The following EHMT1 variants were observed in gnomAD, a reference collection of about 807,000 sequenced individuals.
EHMT1 encodes euchromatic histone lysine methyltransferase 1, also known as histone-lysine N-methyltransferase EHMT1.
EHMT1 carries 15 observed loss-of-function variants against 147.2 expected under a neutral mutation model. That is an observed-to-expected ratio of 0.10 (90% CI 0.07 to 0.16). EHMT1 has a LOEUF of 0.16. EHMT1 is among the 10% of genes least tolerant of loss of function. EHMT1 has a pLI of 1.00. For synonymous variants in EHMT1, 795 were observed against 709.6 expected, an observed-to-expected ratio of 1.12 and a Z score of -1.91; for missense variants, 1,587 against 1,772.4, an observed-to-expected ratio of 0.90 and a Z score of 1.88.
intron 1 of EHMT1, among the ~76,000 whole-genome samples, chr9:137,709,902 A>G (rs1944549836): frequency 1.3e-5 from 2 of 152,040 alleles, no homozygotes; most frequent in African/African-American, 2.4e-5. Flanking sequence ...TTTCTCCAGT[A>G]TCACATCACC....
intron 1 of EHMT1, among the ~76,000 whole-genome samples, chr9:137,657,654 A>G (rs1423976729): frequency 6.6e-6 from 1 of 152,006 alleles, no homozygotes; most frequent in African/African-American, 2.4e-5. Flanking sequence ...TCAAGCGTTG[A>G]TCCTGTTTTA....
intron 6 of EHMT1, among the ~76,000 whole-genome samples, chr9:137,750,487 A>G (rs1948879967): frequency 6.6e-6 from 1 of 152,236 alleles, no homozygotes; most frequent in Non-Finnish European, 1.5e-5. Flanking sequence ...CAAAAAAAAG[A>G]GTGTTCCTTG....
At chr9:137,622,603 A>G (rs1843001187) in intron 1 of EHMT1, among the ~76,000 whole-genome samples, 1 of 152,134 alleles carries the variant, frequency 6.6e-6, no homozygotes. Flanking sequence ...TTGTTCTCTT[A>G]TGTTCATCCT....
intron 16 of EHMT1, among the ~76,000 whole-genome samples, chr9:137,794,651 A>G (rs963665752): frequency 5.2e-4 from 32 of 61,400 alleles, no homozygotes; most frequent in African/African-American, 1.7e-3. Flanking sequence ...CATCTCTAAG[A>G]AAAAAAAAAA....
intron 1 of EHMT1, among the ~76,000 whole-genome samples, chr9:137,648,427 G>A (rs895751835): frequency 7.3e-5 from 11 of 150,990 alleles, no homozygotes; most frequent in African/African-American, 2.7e-4. Context: ...GGCTGAGGTG[G>A]GAGGACTGCT....
chr9:137,621,346 C>CT (rs1842931601), intron 1 of EHMT1, among the ~76,000 whole-genome samples: 1 of 152,168 alleles, frequency 6.6e-6, no homozygotes, highest in African/African-American at 2.4e-5. Context: ...ACACTGGAAA[C>CT]TTATCTAACT....
chr9:137,800,809 G>A (rs572950245), intron 17 of EHMT1, 71 bp from the exon 18 acceptor site: 235 of 1,391,626 alleles, frequency 1.7e-4, no homozygotes, highest in African/African-American at 1.5e-3. Context: ...AGACCTCGGC[G>A]TGGGAGTCCT....
chr9:137,625,237 G>T (rs952185922), intron 1 of EHMT1, among the ~76,000 whole-genome samples: 5 of 152,150 alleles, frequency 3.3e-5, no homozygotes, highest in Non-Finnish European at 1.5e-5. Flanking sequence ...GAACCTTTAG[G>T]ATCGTTGCAT....
chr9:137,753,395 T>C (rs557758247), intron 7 of EHMT1, among the ~76,000 whole-genome samples: 2 of 152,274 alleles, frequency 1.3e-5, no homozygotes, highest in South Asian at 4.1e-4. Context: ...CTTGCTGAAA[T>C]TCTTCCCAAA....
Position 137,776,711 on chromosome 9 carries a change from C to G in EHMT1, c.1885C>G (p.His629Asp). Residue 629 changes from histidine (H) to aspartate (D), a missense_variant, in exon 12 of 27, where the codon CAC becomes GAC. Coordinates refer to ENST00000460843, the MANE Select transcript of EHMT1 (RefSeq NM_024757.5). This position sits in a 1 kb window ranked among gnomAD's most constrained non-coding sequence, Gnocchi z 4.4. Reference protein sequence around the residue: ...SRVNNASYCPHCGEESSKAKE... With the variant: ...SRVNNASYCPDCGEESSKAKE... ...AGTCAATAACGCCAGCTATTGTCCC[C>G]ACTGTGGGGAGGAGAGCTCCAAGGC... 1 of 1,614,136 alleles carries G rather than the reference C, an allele frequency of 6.2e-7. No individual in the cohort carries two copies. Among genetic ancestry groups the G allele is most frequent in the Non-Finnish European group, 8.5e-7 (1 of 1,180,032 alleles).
intron 26 of EHMT1, 117 bp downstream of exon 26, chr9:137,834,641 T>A: frequency 6.3e-7 from 1 of 1,594,536 alleles, no homozygotes; most frequent in Non-Finnish European, 8.5e-7. Flanking sequence ...TTCCTGTAGT[T>A]CTAAAAACTG....
intron 1 of EHMT1, chr9:137,676,318 C>T (rs961686165): frequency 6.6e-6 from 1 of 152,514 alleles, no homozygotes; most frequent in Non-Finnish European, 1.5e-5. Context: ...ATCTGCCTGC[C>T]TCGGCCCTGC....
Position 137,834,787 on chromosome 9 carries a change from A to G in EHMT1, c.3731A>G (p.Glu1244Gly). The G allele has an allele frequency of 6.2e-7, 1 of 1,613,142 alleles. No homozygotes were observed. The highest frequency in any genetic ancestry group is 8.5e-7 in the Non-Finnish European group (1 of 1,179,694). Residue 1244 changes from glutamate (E) to glycine (G), a missense_variant, in exon 27 of 27, where the codon GAG (glutamate) becomes GGG (glycine). By Grantham distance (98) the Glu-to-Gly change is moderately conservative. This residue lies in a region of EHMT1 where 141 missense variants were observed against 150.8 expected (regional missense o/e 0.94). Transcript: ENST00000460843. ...AGEQLGFDYG[E>G]RFWDIKGKLF... ...TCCCTCCCCAGGTTTGACTATGGAG[A>G]GCGCTTCTGGGACATCAAAGGCAAG...
intron 3 of EHMT1, among the ~76,000 whole-genome samples, chr9:137,724,399 C>T (rs993668889): frequency 2.0e-5 from 3 of 152,292 alleles, no homozygotes; most frequent in Middle Eastern, 3.4e-3. Flanking sequence ...ATGGGCCGGC[C>T]GTGCTGCCTC....
At chr9:137,770,928 C>T (rs1950547091) in intron 10 of EHMT1, among the ~76,000 whole-genome samples, 1 of 152,132 alleles carries the variant, frequency 6.6e-6, no homozygotes, top group South Asian at 2.1e-4. Flanking sequence ...ATCATTGCCT[C>T]CCTATTCATT....
intron 4 of EHMT1, among the ~76,000 whole-genome samples, chr9:137,729,573 C>G (rs1390692809): frequency 6.7e-6 from 1 of 149,018 alleles, no homozygotes; most frequent in Non-Finnish European, 1.5e-5. Context: ...GGCGACAGAG[C>G]AAGACTCCAT....
intron 25 of EHMT1, among the ~76,000 whole-genome samples, chr9:137,830,892 A>G (rs1021671521): frequency 2.6e-5 from 4 of 152,230 alleles, no homozygotes; most frequent in Non-Finnish European, 5.9e-5. Flanking sequence ...GTCTTAGTCC[A>G]TTCGAGCTGT....
At chr9:137,658,653 C>T (rs932720968) in intron 1 of EHMT1, among the ~76,000 whole-genome samples, 1 of 151,694 alleles carries the variant, frequency 6.6e-6, no homozygotes, top group East Asian at 1.9e-4. Context: ...TGCCCTGTAG[C>T]CCAGGCTGGA....
chr9:137,832,475 G>A (rs1414168185), intron 25 of EHMT1, among the ~76,000 whole-genome samples: 2 of 143,942 alleles, frequency 1.4e-5, no homozygotes, highest in Non-Finnish European at 3.0e-5. Context: ...CGCCTCCCAC[G>A]CGGCCTCTGC....
Sources: gnomAD v4.1 joint callset for allele counts (sites outside exome capture counted in the v4.1 genomes callset) on GRCh38, gnomAD v4.1.1 for gene constraint, gnomAD v4.1.1 regional missense constraint, Gnocchi (gnomAD v3.1) non-coding constraint, MANE v1.5 for transcripts, NCBI Gene and HGNC (gene_info 2026-07-23, HGNC 2026-07-21) for gene names.